The following FBXL7 variants were observed in gnomAD, a reference collection of about 807,000 sequenced individuals.
The protein encoded by FBXL7 is F-box and leucine rich repeat protein 7.
A neutral mutation model predicts 38.3 loss-of-function variants in FBXL7; 12 were observed. The ratio of observed to expected loss-of-function variants is 0.31; its 90% CI spans 0.20 to 0.51. The LOEUF is 0.51. Among genes scored for constraint, FBXL7 ranks in the 20% least tolerant of loss-of-function variants. The probability of loss-of-function intolerance (pLI) is 0.98; values close to 1 mark genes in which losing one functional copy is unlikely to be tolerated. For missense variants in FBXL7, 567 were observed against 676.4 expected (o/e 0.84, Z 1.79); for synonymous variants, 297 against 300.9 (o/e 0.99, Z 0.13).
intron 2 of FBXL7, among the ~76,000 whole-genome samples, chr5:15,728,023 G>A (rs1304526480): frequency 6.6e-6 from 1 of 152,038 alleles, no homozygotes; most frequent in Non-Finnish European, 1.5e-5. Context: ...TTCATTTAGT[G>A]AATCTTTCAT....
chr5:15,701,594 C>T (rs1210930314), intron 2 of FBXL7, among the ~76,000 whole-genome samples: 1 of 152,136 alleles, frequency 6.6e-6, no homozygotes, highest in East Asian at 1.9e-4. Context: ...GAGAATCTCT[C>T]AGTTGAATTG....
chr5:15,917,661 G>GGAAGGAAGGAAC (rs1406978866), intron 2 of FBXL7, among the ~76,000 whole-genome samples: 1 of 63,486 alleles, frequency 1.6e-5, no homozygotes, highest in Non-Finnish European at 3.4e-5. Context: ...AAGGAAGGAA[G>GGAAGGAAGGAAC]GAAGGAAGGA....
At chr5:15,537,768 C>T (rs1737628028) in intron 1 of FBXL7, among the ~76,000 whole-genome samples, 1 of 152,198 alleles carries the variant, frequency 6.6e-6, no homozygotes, top group Non-Finnish European at 1.5e-5. Flanking sequence ...TCTCAAAGAC[C>T]TAATGTAAGT....
chr5:15,762,046 G>A (rs987514045), intron 2 of FBXL7, among the ~76,000 whole-genome samples: 1 of 152,162 alleles, frequency 6.6e-6, no homozygotes, highest in African/African-American at 2.4e-5. Context: ...GTAAGACTGA[G>A]TTGGGTCCTC....
chr5:15,554,283 C>T (rs1476660358), intron 1 of FBXL7, among the ~76,000 whole-genome samples: 1 of 152,064 alleles, frequency 6.6e-6, no homozygotes, highest in Non-Finnish European at 1.5e-5. Flanking sequence ...AGTCCATGGT[C>T]TTTATATCCT....
intron 2 of FBXL7, among the ~76,000 whole-genome samples, chr5:15,648,744 T>C (rs187373207): frequency 6.6e-6 from 1 of 152,236 alleles, no homozygotes; most frequent in Non-Finnish European, 1.5e-5. Context: ...TCTAGCCTTA[T>C]GCCGTGTTGA....
At chr5:15,541,180 C>G (rs1737731282) in intron 1 of FBXL7, among the ~76,000 whole-genome samples, 1 of 151,462 alleles carries the variant, frequency 6.6e-6, no homozygotes, top group African/African-American at 2.4e-5. Context: ...AATCCTCCAG[C>G]ATGAATCTCT....
At chr5:15,685,964 CAT>C (rs1483368523) in intron 2 of FBXL7, among the ~76,000 whole-genome samples, 28 of 152,298 alleles carry the variant, frequency 1.8e-4, no homozygotes, top group Admixed American at 1.2e-3. Context: ...GATACACAAA[CAT>C]AGAACAACAG....
At chr5:15,888,474 C>T (rs373986649) in intron 2 of FBXL7, among the ~76,000 whole-genome samples, 4 of 152,150 alleles carry the variant, frequency 2.6e-5, no homozygotes, top group East Asian at 1.9e-4. Flanking sequence ...AGTGATCTGC[C>T]GACCTCAGCC....
At chr5:15,659,902 A>C (rs146220665) in intron 2 of FBXL7, among the ~76,000 whole-genome samples, 38 of 152,352 alleles carry the variant, frequency 2.5e-4, no homozygotes, top group African/African-American at 8.9e-4. Context: ...GAGAGATTGA[A>C]TGTGGGAGGG....
chr5:15,731,382 A>G (rs913887117), intron 2 of FBXL7, among the ~76,000 whole-genome samples: 2 of 152,126 alleles, frequency 1.3e-5, no homozygotes, highest in South Asian at 2.1e-4. Flanking sequence ...AGAAACTCCC[A>G]TTTTTAAAAC....
intron 2 of FBXL7, among the ~76,000 whole-genome samples, chr5:15,653,393 A>G (rs1741774511): frequency 6.6e-6 from 1 of 152,200 alleles, no homozygotes; most frequent in Admixed American, 6.5e-5. Context: ...GGAAGTTTCT[A>G]CTATTACCCA....
At chr5:15,770,771 C>T (rs1736708892) in intron 2 of FBXL7, among the ~76,000 whole-genome samples, 1 of 152,074 alleles carries the variant, frequency 6.6e-6, no homozygotes, top group Non-Finnish European at 1.5e-5. Flanking sequence ...ATTCACTTCC[C>T]CACCATCATA....
chr5:15,843,752 C>T (rs910756339), intron 2 of FBXL7, among the ~76,000 whole-genome samples: 1 of 151,836 alleles, frequency 6.6e-6, no homozygotes, highest in African/African-American at 2.4e-5. Flanking sequence ...TAATTTAAAA[C>T]CCAAGAAGGT....
At chr5:15,834,017 T>A (rs1355405743) in intron 2 of FBXL7, among the ~76,000 whole-genome samples, 3 of 152,216 alleles carry the variant, frequency 2.0e-5, no homozygotes, top group Non-Finnish European at 4.4e-5. Flanking sequence ...TCTAGGCAAT[T>A]GTGTAAACTA....
intron 2 of FBXL7, among the ~76,000 whole-genome samples, chr5:15,818,703 C>CGT (rs3222099): frequency 0.029 from 3,396 of 116,734 alleles, 62 homozygotes; most frequent in African/African-American, 0.046. Context: ...CCCATTATTT[C>CGT]GTGTGTGTGT....
intron 2 of FBXL7, among the ~76,000 whole-genome samples, chr5:15,728,220 G>A (rs1004416767): frequency 2.0e-5 from 3 of 151,970 alleles, no homozygotes; most frequent in African/African-American, 4.8e-5. Context: ...CTTTTTCAGG[G>A]ACAACTTCTG....
At chr5:15,620,507 C>T (rs1364949806) in intron 2 of FBXL7, among the ~76,000 whole-genome samples, 1 of 151,746 alleles carries the variant, frequency 6.6e-6, no homozygotes, top group Non-Finnish European at 1.5e-5. Flanking sequence ...GCCTCGGCCT[C>T]CTAAAGTGCT....
intron 1 of FBXL7, among the ~76,000 whole-genome samples, chr5:15,539,531 G>C (rs527785552): frequency 1.3e-5 from 2 of 151,918 alleles, no homozygotes; most frequent in Admixed American, 1.3e-4. Context: ...TTTATCTTCC[G>C]TAGAAGCTTC....
Sources: gnomAD v4.1 joint callset for allele counts (sites outside exome capture counted in the v4.1 genomes callset) on GRCh38, gnomAD v4.1.1 for gene constraint, MANE v1.5 for transcripts, NCBI Gene and HGNC (gene_info 2026-07-23, HGNC 2026-07-21) for gene names.